MYH10: variants seen among roughly 807,000 people sequenced by gnomAD.
The protein encoded by MYH10 is myosin heavy chain 10, also known as myosin-10.
Under a neutral mutation model 257.8 loss-of-function variants are expected in MYH10, and 55 were observed. The ratio of observed to expected loss-of-function variants is 0.21; its 90% CI spans 0.17 to 0.27. MYH10 has a LOEUF of 0.27. Among genes scored for constraint, MYH10 ranks in the 10% least tolerant of loss-of-function variants. The pLI, the probability that MYH10 is intolerant of heterozygous loss-of-function variation, is 1.00. For missense variants in MYH10, 1,631 were observed against 2,500.6 expected (o/e 0.65, Z 7.42); for synonymous variants, 854 against 921.7 (o/e 0.93, Z 1.33).
At chr17:8,489,625 A>G (rs1915416492) in intron 35 of MYH10, among the ~76,000 whole-genome samples, 1 of 151,734 alleles carries the variant, frequency 6.6e-6, no homozygotes, top group Non-Finnish European at 1.5e-5. Flanking sequence ...AATCACTTCA[A>G]TCTGGGAGGC....
intron 3 of MYH10, 41 bp from the exon 4 acceptor site, chr17:8,589,149 C>A: frequency 6.3e-7 from 1 of 1,597,564 alleles, no homozygotes; most frequent in South Asian, 1.1e-5. Context: ...AGAAAGTGAC[C>A]ATTTGCCTGG....
intron 23 of MYH10, among the ~76,000 whole-genome samples, chr17:8,513,206 C>T (rs914863536): frequency 6.6e-6 from 1 of 152,278 alleles, no homozygotes; most frequent in South Asian, 2.1e-4. Flanking sequence ...TTTTCTATTT[C>T]CCCTCATAAA....
At chr17:8,481,889 A>G (rs1225846800) in intron 37 of MYH10, among the ~76,000 whole-genome samples, 1 of 152,198 alleles carries the variant, frequency 6.6e-6, no homozygotes, top group Non-Finnish European at 1.5e-5. Context: ...CAATGCTCCC[A>G]TGGAGAGGAG....
At chr17:8,582,641 T>C (rs2083751560) in intron 4 of MYH10, among the ~76,000 whole-genome samples, 2 of 152,220 alleles carry the variant, frequency 1.3e-5, no homozygotes, top group South Asian at 4.1e-4. Flanking sequence ...AACGTGAACA[T>C]GTTTGCGTTT....
chr17:8,580,150 T>A (rs1020947326), intron 4 of MYH10, among the ~76,000 whole-genome samples: 1 of 152,124 alleles, frequency 6.6e-6, no homozygotes, highest in Non-Finnish European at 1.5e-5. Context: ...TATCTTTTTC[T>A]TATTCCCCAT....
At chr17:8,592,453 T>C (rs184094745) in intron 3 of MYH10, among the ~76,000 whole-genome samples, 1 of 152,158 alleles carries the variant, frequency 6.6e-6, no homozygotes, top group African/African-American at 2.4e-5. Context: ...ATATCTGTAA[T>C]TTTTAAAAAG....
chr17:8,613,485 A>G (rs1048993878), intron 2 of MYH10, among the ~76,000 whole-genome samples: 1 of 152,212 alleles, frequency 6.6e-6, no homozygotes, highest in African/African-American at 2.4e-5. Flanking sequence ...GGCCCTACCT[A>G]TCATGATCTA....
chr17:8,553,875 T>C lies in MYH10; in HGVS notation c.820+80A>G. The stretch of plus-strand genomic sequence containing the variant: ...TTTATCATCTGGATTTTGGGAGTGA[T>C]ATCACAGACGGTTGCCATGGGGTTG... On this transcript the variant is annotated intron_variant, in intron 8 of 42. Transcript: ENST00000360416. The C allele has an allele frequency of 1.8e-6, 2 of 1,123,630 alleles. 1 individual carries two copies. Among genetic ancestry groups the C allele is most frequent in the South Asian group, 2.7e-5 (2 of 74,432 alleles). 69.6% of individuals were successfully genotyped at this position (1,123,630 alleles called of 1,614,324 possible).
chr17:8,546,587 T>A lies in MYH10; in HGVS notation c.1235A>T (p.Lys412Met). The A allele has an allele frequency of 1.9e-6, 3 of 1,614,128 alleles. No homozygotes were observed. The highest frequency in any genetic ancestry group is 1.7e-6 in the Non-Finnish European group (2 of 1,180,002). ...TTTTTGCACATAGTCTCGGCCGACC[T>A]TGATCCGGGGAGTCAGGATGGCCCG... is the stretch of plus-strand genomic sequence containing the variant. ...FTRAILTPRI[K>M]VGRDYVQKAQ... Residue 412 changes from lysine to methionine, a missense_variant, in exon 12 of 43, where the codon AAG becomes ATG. Lys to Met is a moderately conservative substitution (Grantham distance 95, BLOSUM62 -1). Transcript: ENST00000360416.
chr17:8,584,694 C>T (rs1246329149), intron 4 of MYH10, among the ~76,000 whole-genome samples: 1 of 151,944 alleles, frequency 6.6e-6, no homozygotes, highest in South Asian at 2.1e-4. Context: ...CCGTCCAATG[C>T]CTCTCTGGGC....
chr17:8,504,011 C>T lies in MYH10; in HGVS notation c.3599+683G>A, dbSNP rs186995322. ...ATGACACCTATGAGTCCGTGGGAGC[C>T]GCAGGCCAGCACCTCCAGGCCTGCG... On this transcript the variant is annotated intron_variant, in intron 28 of 42. Transcript: ENST00000360416. This position sits in a 1 kb window ranked among gnomAD's most constrained non-coding sequence, Gnocchi z 5.6. 1.2e-3 allele frequency among the ~76,000 whole-genome samples: 178 copies of T among 152,254 alleles called. No individual in the cohort carries two copies. The highest frequency in any genetic ancestry group is 3.5e-3 in the Admixed American group (54 of 15,300).
intron 36 of MYH10, among the ~76,000 whole-genome samples, chr17:8,484,928 T>C (rs1914502761): frequency 6.6e-6 from 1 of 152,202 alleles, no homozygotes; most frequent in Non-Finnish European, 1.5e-5. Context: ...CCACTTCTAC[T>C]TAACAATGCA....
At position 8,506,121 on chromosome 17, in the gene MYH10, G is replaced by A. The variant is rs1438855474; in HGVS notation, c.3386+197C>T. On this transcript the variant is annotated intron_variant, in intron 27 of 42. Transcript: ENST00000360416. The surrounding 1 kb of genome is among the most constrained non-coding windows in gnomAD (Gnocchi z 5.0). ...TTTGTCATTTTAAAGTATAAATATT[G>A]AGATGGTTTATGAGACTTTCTTGCT... 1 of 481,640 alleles carries A rather than the reference G, an allele frequency of 2.1e-6. No individual in the cohort carries two copies. 29.8% of individuals were successfully genotyped at this position (481,640 alleles called of 1,614,324 possible). A position where few individuals can be genotyped will look rare whatever the true frequency, so the allele number is the denominator to read the frequency against.
At chr17:8,501,021 AAC>A (rs757141417) in intron 28 of MYH10, 51 bp from the exon 29 acceptor site, 3 of 1,545,718 alleles carry the variant, frequency 1.9e-6, no homozygotes, top group Non-Finnish European at 2.6e-6. Flanking sequence ...ACTGATTAAA[AAC>A]ACATTTTCTT....
chr17:8,556,963 T>A (rs141805303), intron 7 of MYH10, among the ~76,000 whole-genome samples: 64 of 152,310 alleles, frequency 4.2e-4, no homozygotes, highest in African/African-American at 1.3e-3. Context: ...AAGTTAAATA[T>A]GCTTCCCTAT....
In MYH10 at chr17:8,577,371, C is replaced by T. The variant is rs374586746; in HGVS notation, c.531-33G>A. ...AAAGAGTTAATATAGGCTGCTTTAA[C>T]GAAAGCACAGCACATGCATTCCAAA... On this transcript the variant is annotated intron_variant, in intron 4 of 42. Coordinates refer to ENST00000360416, the MANE Select transcript of MYH10 (RefSeq NM_001256012.3). 137 of 1,449,310 alleles carry T rather than the reference C, an allele frequency of 9.5e-5. No individual in the cohort carries two copies. In the East Asian group the frequency reaches 2.2e-3, roughly 24 times the overall value. 89.8% of individuals were successfully genotyped at this position (1,449,310 alleles called of 1,614,324 possible). A position where few individuals can be genotyped will look rare whatever the true frequency, so the allele number is the denominator to read the frequency against.
intron 16 of MYH10, 50 bp from the exon 17 acceptor site, chr17:8,530,735 A>G (rs1288044166): frequency 2.6e-5 from 35 of 1,346,614 alleles, no homozygotes; most frequent in Non-Finnish European, 3.5e-5. Flanking sequence ...ATACACAAAC[A>G]CTTCAGTTAG....
chr17:8,578,968 T>G (rs148731276), intron 4 of MYH10, among the ~76,000 whole-genome samples: 80 of 152,332 alleles, frequency 5.3e-4, no homozygotes, highest in Non-Finnish European at 1.0e-4. Flanking sequence ...AAAGCTGGAC[T>G]CTTTCTTGGA....
At chr17:8,559,614 T>G (rs2082919769) in intron 7 of MYH10, among the ~76,000 whole-genome samples, 1 of 152,186 alleles carries the variant, frequency 6.6e-6, no homozygotes, top group African/African-American at 2.4e-5. Flanking sequence ...CCATAATGTA[T>G]CTTAGATTTA....
Sources: gnomAD v4.1 joint callset for allele counts (sites outside exome capture counted in the v4.1 genomes callset) on GRCh38, gnomAD v4.1.1 for gene constraint, Gnocchi (gnomAD v3.1) non-coding constraint, MANE v1.5 for transcripts, NCBI Gene and HGNC (gene_info 2026-07-23, HGNC 2026-07-21) for gene names.